SCNN1B: variants seen among roughly 807,000 people sequenced by gnomAD.
The protein encoded by SCNN1B is epithelial sodium channel subunit beta.
SCNN1B carries 46 observed loss-of-function variants against 65.3 expected under a neutral mutation model. The ratio of observed to expected loss-of-function variants is 0.70; its 90% CI spans 0.56 to 0.90. SCNN1B has a LOEUF of 0.90. SCNN1B is among the 40% of genes least tolerant of loss of function. The pLI, the probability that SCNN1B is intolerant of heterozygous loss-of-function variation, is 0.00. For missense variants in SCNN1B, 751 were observed against 830.5 expected (o/e 0.90, Z 1.18); for synonymous variants, 349 against 330.6 (o/e 1.06, Z -0.60).
chr16:23,367,742 C>T (rs1292022168), intron 4 of SCNN1B, 114 bp from the exon 5 acceptor site: 18 of 834,430 alleles, frequency 2.2e-5, no homozygotes, highest in South Asian at 1.2e-4. Flanking sequence ...ACCTGTTGCT[C>T]GCCTCTCCCT....
intron 1 of SCNN1B, among the ~76,000 whole-genome samples, chr16:23,314,196 T>C (rs1016423001): frequency 4.0e-5 from 6 of 151,848 alleles, no homozygotes; most frequent in Non-Finnish European, 8.8e-5. Flanking sequence ...ACTTTTTTAT[T>C]TTATTTGTTT....
chr16:23,349,327 AT>A (rs964410379), intron 2 of SCNN1B, among the ~76,000 whole-genome samples: 1 of 151,910 alleles, frequency 6.6e-6, no homozygotes, highest in Non-Finnish European at 1.5e-5. Context: ...AAAGTAAATA[AT>A]TTTTTTTAAT....
intron 5 of SCNN1B, among the ~76,000 whole-genome samples, 170 bp downstream of exon 5, chr16:23,368,129 C>A (rs577520972): frequency 6.6e-6 from 1 of 152,192 alleles, no homozygotes; most frequent in African/African-American, 2.4e-5. Flanking sequence ...CCAGGCCAGG[C>A]GCTTCCTCAG....
At chr16:23,308,387 G>A (rs1961266138) in intron 1 of SCNN1B, among the ~76,000 whole-genome samples, 1 of 152,030 alleles carries the variant, frequency 6.6e-6, no homozygotes. Flanking sequence ...TCCAGGCATG[G>A]TGGTGCACAC....
chr16:23,373,866 G>A (rs1454026196), intron 7 of SCNN1B, among the ~76,000 whole-genome samples: 2 of 152,168 alleles, frequency 1.3e-5, no homozygotes, highest in Non-Finnish European at 2.9e-5. Flanking sequence ...CAGGGAGGTG[G>A]GAAACACGGA....
intron 8 of SCNN1B, among the ~76,000 whole-genome samples, chr16:23,376,744 T>TAAAAAAAAAAAAAAAAAAA (rs770607656): frequency 1.6e-5 from 1 of 63,176 alleles, no homozygotes. Context: ...ACCCCGTCTA[T>TAAAAAAAAAAAAAAAAAAA]AAAAAAAAAA....
chr16:23,315,008 G>A (rs1030032092), intron 1 of SCNN1B, among the ~76,000 whole-genome samples: 4 of 152,166 alleles, frequency 2.6e-5, no homozygotes, highest in African/African-American at 9.7e-5. Context: ...GGCAGGAAAT[G>A]GAGACAGAGC....
chr16:23,292,023 A>G (rs1762391775), intron 2 of SCNN1B, among the ~76,000 whole-genome samples: 1 of 151,756 alleles, frequency 6.6e-6, no homozygotes, highest in East Asian at 1.9e-4. Context: ...CCCACATCCA[A>G]TTCTTCAGCA....
Position 23,380,741 on chromosome 16 carries a change from C to T in SCNN1B, c.1863C>T (p.Asp621=), listed in dbSNP as rs1265095069. Residue 621 remains aspartate (D), a synonymous_variant, in exon 13 of 13, where the codon GAC becomes GAT. Transcript: ENST00000343070. This position sits in a 1 kb window ranked among gnomAD's most constrained non-coding sequence, Gnocchi z 5.4. ...CAGGCACCCCGCCCCCCAACTATGA[C>T]TCCCTGCGTCTGCAGCCGCTGGACG... ...PIPGTPPPNY[D]SLRLQPLDVI... 6.2e-7 allele frequency: 1 copy of T among 1,612,570 alleles called. No individual in the cohort carries two copies. Among genetic ancestry groups the T allele is most frequent in the Admixed American group, 1.7e-5 (1 of 59,998 alleles).
In SCNN1B at chr16:23,296,236, G is replaced by T. The variant is rs1368544316; in HGVS notation, n.178+12432G>T. 2.0e-5 allele frequency among the ~76,000 whole-genome samples: 3 copies of T among 152,128 alleles called. No individual in the cohort carries two copies. In the East Asian group the frequency reaches 5.8e-4, roughly 29 times the overall value. On this transcript the variant is annotated intron_variant and non_coding_transcript_variant, in intron 2 of 3. Transcript: ENST00000569789. ...GGTATGGGACTCAGGGAGGTGGGGG[G>T]CGCCACGGGGATCCAGAGAACTGAG...
intron 1 of SCNN1B, among the ~76,000 whole-genome samples, chr16:23,307,624 G>A (rs1186525440): frequency 6.6e-6 from 1 of 152,074 alleles, no homozygotes; most frequent in African/African-American, 2.4e-5. Context: ...TTGGCTGCCT[G>A]TGCTCCTTTA....
intron 1 of SCNN1B, chr16:23,304,176 A>C: frequency 8.4e-7 from 1 of 1,185,234 alleles, no homozygotes; most frequent in East Asian, 2.6e-5. Context: ...TTTATCCTAA[A>C]CTAACTTCAC....
At chr16:23,319,807 G>A (rs148888893) in intron 1 of SCNN1B, among the ~76,000 whole-genome samples, 2,311 of 151,840 alleles carry the variant, frequency 0.015, 61 homozygotes, top group African/African-American at 0.049. Flanking sequence ...TTGCTCTGTC[G>A]CCCAGGCTGG....
rs568210502 is a variant in SCNN1B, at chr16:23,314,843, G to A, written c.-9+12406G>A. 2.6e-5 allele frequency among the ~76,000 whole-genome samples: 4 copies of A among 152,332 alleles called. No homozygotes were observed. The East Asian group carries it at 7.7e-4, about 29-fold the overall frequency. On this transcript the variant is annotated intron_variant, in intron 1 of 12. Transcript: ENST00000343070. ...AGGCCTGGCTTCCTACTGCCAGATGGCCTTTGTAGGGGCTGAGGGGACCAT... is the reference window on the plus strand; with the variant it reads ...AGGCCTGGCTTCCTACTGCCAGATGACCTTTGTAGGGGCTGAGGGGACCAT...
At chr16:23,374,471 G>A (rs1280121932) in intron 7 of SCNN1B, among the ~76,000 whole-genome samples, 5 of 149,000 alleles carry the variant, frequency 3.4e-5, no homozygotes, top group African/African-American at 9.9e-5. Context: ...CTACTCAGGA[G>A]GCTAAGGCAG....
intron 1 of SCNN1B, among the ~76,000 whole-genome samples, chr16:23,342,136 T>C (rs975609163): frequency 6.6e-6 from 1 of 152,190 alleles, no homozygotes; most frequent in Non-Finnish European, 1.5e-5. Flanking sequence ...CAACATAATA[T>C]GGGATATTAT....
chr16:23,378,663 T>C, intron 10 of SCNN1B, 43 bp from the exon 11 acceptor site: 1 of 1,589,522 alleles, frequency 6.3e-7, no homozygotes, highest in Non-Finnish European at 8.6e-7. Context: ...CTGGGAGGGA[T>C]GCTGCAGATG....
chr16:23,300,327 A>G (rs924253754), upstream of SCNN1B, among the ~76,000 whole-genome samples: 1 of 152,040 alleles, frequency 6.6e-6, no homozygotes, highest in Non-Finnish European at 1.5e-5. Flanking sequence ...GTATCCCAGA[A>G]CTTAAAGTAT....
At chr16:23,323,387 G>A (rs1961628176) in intron 1 of SCNN1B, among the ~76,000 whole-genome samples, 2 of 152,142 alleles carry the variant, frequency 1.3e-5, no homozygotes, top group Admixed American at 1.3e-4. Flanking sequence ...AATTCCCAGG[G>A]TACCCAAGGG....
Sources: gnomAD v4.1 joint callset for allele counts (sites outside exome capture counted in the v4.1 genomes callset) on GRCh38, gnomAD v4.1.1 for gene constraint, Gnocchi (gnomAD v3.1) non-coding constraint, MANE v1.5 for transcripts, NCBI Gene and HGNC (gene_info 2026-07-23, HGNC 2026-07-21) for gene names.